Variants in DSP observed in about 807,000 individuals in gnomAD.
DSP encodes the protein 250/210 kDa paraneoplastic pemphigus antigen.
DSP carries 114 observed loss-of-function variants against 290.6 expected under a neutral mutation model. The observed-to-expected ratio is 0.39, with a 90% CI of 0.34 to 0.46. The LOEUF is 0.46. DSP is among the 20% of genes least tolerant of loss of function. The pLI, the probability that DSP is intolerant of heterozygous loss-of-function variation, is 0.99. For missense variants in DSP, 3,230 were observed against 3,495.8 expected (o/e 0.92, Z 1.92); for synonymous variants, 1,311 against 1,316.4 (o/e 1.00, Z 0.09).
intron 1 of DSP, among the ~76,000 whole-genome samples, chr6:7,553,318 T>C (rs889231487): frequency 6.6e-6 from 1 of 152,236 alleles, no homozygotes; most frequent in African/African-American, 2.4e-5. Context: ...TTAAATCATT[T>C]AGGAAACTCT....
intron 1 of DSP, among the ~76,000 whole-genome samples, chr6:7,545,872 C>T (rs1043088291): frequency 1.3e-5 from 2 of 152,198 alleles, no homozygotes; most frequent in African/African-American, 4.8e-5. Context: ...TCTGCGAAGC[C>T]TGTGGAGTGA....
chr6:7,542,328 G>A (rs1758018943), intron 1 of DSP, among the ~76,000 whole-genome samples: 1 of 152,180 alleles, frequency 6.6e-6, no homozygotes, highest in Admixed American at 6.5e-5. Context: ...GCGAGCCCGG[G>A]CGGGTGGTCA....
chr6:7,564,549 A>C (rs1390048702), intron 6 of DSP, among the ~76,000 whole-genome samples: 1 of 152,234 alleles, frequency 6.6e-6, no homozygotes, highest in Non-Finnish European at 1.5e-5. Context: ...TATAGTCCAA[A>C]ACTAATTATT....
Position 7,571,974 on chromosome 6 carries a change from T to A in DSP, c.2036T>A (p.Ile679Lys), listed in dbSNP as rs1561690811. ...GAGCTGCAGAAGATTCGCAGGCAGA[T>A]AGAGCACTGCGAGGGCAGGATGACT... ...LMELQKIRRQ[I>K]EHCEGRMTLK... The change falls in exon 15 of 24, where the codon ATA becomes AAA. Residue 679 changes from isoleucine (I) to lysine (K), a missense_variant. Around this residue, in one of 5 missense-constraint regions of DSP, gnomAD observed 1,714 missense variants for 1,844.5 expected, o/e 0.93. Transcript: ENST00000379802. 1 of 1,614,180 alleles carries A rather than the reference T, an allele frequency of 6.2e-7. No homozygotes were observed. Among genetic ancestry groups the A allele is most frequent in the Non-Finnish European group, 8.5e-7 (1 of 1,180,026 alleles).
Position 7,542,003 on chromosome 6 carries a change from G to A in DSP, c.88G>A (p.Val30Met), listed in dbSNP as rs121912998. 1.3e-3 allele frequency: 2,131 copies of A among 1,595,514 alleles called. 5 individuals are homozygous for A. The highest frequency in any genetic ancestry group is 8.1e-3 in the Middle Eastern group (49 of 6,040). Residue 30 changes from valine (V) to methionine (M), a missense_variant, in exon 1 of 24, where the codon GTG becomes ATG. Physicochemically the swap from Val to Met is conservative, Grantham distance 21. Around this residue, in one of 5 missense-constraint regions of DSP, gnomAD observed 646 missense variants for 684.3 expected, o/e 0.94. Coordinates refer to ENST00000379802, the MANE Select transcript of DSP (RefSeq NM_004415.4). Reference sequence around the variant, plus strand: ...GTCTGGCCCGGACCTGCGCTACGAGGTGACCAGCGGCGGCGGGGGCACCAG... The same window carrying A: ...GTCTGGCCCGGACCTGCGCTACGAGATGACCAGCGGCGGCGGGGGCACCAG... ...AESGPDLRYEVTSGGGGTSRM... is the reference protein window; with the variant it reads ...AESGPDLRYEMTSGGGGTSRM...
chr6:7,582,227 ATATTT>A lies in DSP; in HGVS notation c.5380-411_5380-407del, dbSNP rs147532530. On this transcript the variant is annotated intron_variant, in intron 23 of 23. Coordinates refer to ENST00000379802, the MANE Select transcript of DSP (RefSeq NM_004415.4). The surrounding 1 kb of genome is among the most constrained non-coding windows in gnomAD (Gnocchi z 4.2). ...CATAATATATATTTATCTATAATAT[ATATTT>A]TATATAATATATATCTTCATATATT... Among the ~76,000 whole-genome samples the A allele has an allele frequency of 0.26, 37,843 of 146,746 alleles. 5,121 individuals carry two copies. Among genetic ancestry groups the A allele is most frequent in the African/African-American group, 0.35 (14,004 of 40,286 alleles).
rs1216016244 is a variant in DSP at position 7,579,119 on chromosome 6, A to C, written c.3085-156A>C. ...TGCAAGAATTATGATGAGAATCCAG[A>C]TTTCTTGAATATTTGCCTAGTCACT... is the stretch of plus-strand genomic sequence containing the variant. On this transcript the variant is annotated intron_variant, in intron 22 of 23. Coordinates refer to ENST00000379802, the MANE Select transcript of DSP (RefSeq NM_004415.4). This position sits in a 1 kb window ranked among gnomAD's most constrained non-coding sequence, Gnocchi z 4.1. Among the ~76,000 whole-genome samples, 8 of 152,206 alleles carry C rather than the reference A, an allele frequency of 5.3e-5. No individual in the cohort carries two copies. The highest frequency in any genetic ancestry group is 1.7e-4 in the African/African-American group (7 of 41,452).
intron 1 of DSP, among the ~76,000 whole-genome samples, chr6:7,554,648 A>G (rs909046969): frequency 1.5e-4 from 23 of 152,084 alleles, no homozygotes; most frequent in African/African-American, 4.8e-4. Context: ...CAGAAAATAT[A>G]TATATATATT....
At position 7,584,234 on chromosome 6, in the gene DSP, G is replaced by A. The variant is rs2113701409; in HGVS notation, c.6972G>A (p.Glu2324=). ...ACAAGAGAGGTCTGGTGGGCATTGA[G>A]TTCAAAGAGAAGCTCCTGTCTGCAG... The part of the protein sequence containing the change: ...EAYKRGLVGI[E]FKEKLLSAER... The change falls in exon 24 of 24, where the codon GAG becomes GAA. Residue 2324 remains glutamate, a synonymous_variant. Coordinates refer to ENST00000379802, the MANE Select transcript of DSP (RefSeq NM_004415.4). This position sits in a 1 kb window ranked among gnomAD's most constrained non-coding sequence, Gnocchi z 6.4. 6.2e-7 allele frequency: 1 copy of A among 1,614,192 alleles called. No homozygotes were observed. Among genetic ancestry groups the A allele is most frequent in the Non-Finnish European group, 8.5e-7 (1 of 1,180,032 alleles).
Position 7,580,690 on chromosome 6 carries a change from G to A in DSP, c.4500G>A (p.Leu1500=), listed in dbSNP as rs372881903. The A allele has an allele frequency of 6.2e-7, 1 of 1,614,038 alleles. No homozygotes were observed. The highest frequency in any genetic ancestry group is 8.5e-7 in the Non-Finnish European group (1 of 1,180,038). ...IDKETNDRKC[L]EDENARLQRV... ...AAGAAACAAATGACCGGAAATGCCT[G>A]GAAGATGAAAACGCGAGATTACAAA... The change falls in exon 23 of 24, where the codon CTG becomes CTA. Residue 1500 remains leucine (L), a synonymous_variant. Coordinates refer to ENST00000379802, the MANE Select transcript of DSP (RefSeq NM_004415.4). The surrounding 1 kb of genome is among the most constrained non-coding windows in gnomAD (Gnocchi z 4.2).
rs1213786009 is a variant in DSP at position 7,565,804 on chromosome 6, C to T, written c.939+284C>T. 2.3e-6 allele frequency: 1 copy of T among 432,474 alleles called. No individual in the cohort carries two copies. Among genetic ancestry groups the T allele is most frequent in the Non-Finnish European group, 4.3e-6 (1 of 232,202 alleles). 26.8% of individuals were successfully genotyped at this position (432,474 alleles called of 1,614,324 possible). A position where few individuals can be genotyped will look rare whatever the true frequency, so the allele number is the denominator to read the frequency against. On this transcript the variant is annotated intron_variant, in intron 7 of 23. Transcript: ENST00000379802. This position sits in a 1 kb window ranked among gnomAD's most constrained non-coding sequence, Gnocchi z 4.2. ...CATGGATACATCGAGGGCAACAACA[C>T]ACACTGGGGCCTTTCGGAGGGCAGA... is the stretch of plus-strand genomic sequence containing the variant.
Position 7,579,854 on chromosome 6 carries a change from A to G in DSP, c.3664A>G (p.Lys1222Glu), listed in dbSNP as rs1423633528. Residue 1222 changes from lysine to glutamate, a missense_variant, in exon 23 of 24, where the codon AAG becomes GAG. Around this residue, in one of 5 missense-constraint regions of DSP, gnomAD observed 1,714 missense variants for 1,844.5 expected, o/e 0.93. Transcript: ENST00000379802. This position sits in a 1 kb window ranked among gnomAD's most constrained non-coding sequence, Gnocchi z 4.1. ...GATTAACATTACGAAGACCACCATCAAGGAGATATCCATGCAAAAAGAGGA... is the reference window on the plus strand; with the variant it reads ...GATTAACATTACGAAGACCACCATCGAGGAGATATCCATGCAAAAAGAGGA... Reference protein sequence around the residue: ...TEINITKTTIKEISMQKEDDS... With the variant: ...TEINITKTTIEEISMQKEDDS... 2 of 1,614,202 alleles carry G rather than the reference A, an allele frequency of 1.2e-6. No individual in the cohort carries two copies. The highest frequency in any genetic ancestry group is 4.5e-5 in the East Asian group (2 of 44,872).
chr6:7,559,432 G>T (rs1315834327), intron 4 of DSP, 32 bp downstream of exon 4: 1 of 1,611,856 alleles, frequency 6.2e-7, no homozygotes. Flanking sequence ...CCAAACCTGT[G>T]CAGGCCAGAC....
chr6:7,561,934 G>C (rs1758705401), intron 4 of DSP, among the ~76,000 whole-genome samples: 1 of 152,216 alleles, frequency 6.6e-6, no homozygotes, highest in African/African-American at 2.4e-5. Flanking sequence ...GGAACAGTGT[G>C]TGTGATTCTT....
chr6:7,548,801 A>G (rs1485600410), intron 1 of DSP, among the ~76,000 whole-genome samples: 1 of 152,194 alleles, frequency 6.6e-6, no homozygotes, highest in Non-Finnish European at 1.5e-5. Flanking sequence ...TGAGCTTTTG[A>G]AATCAGGGTA....
At chr6:7,552,564 GAAA>G (rs377022218) in intron 1 of DSP, among the ~76,000 whole-genome samples, 1 of 101,600 alleles carries the variant, frequency 9.8e-6, no homozygotes. Flanking sequence ...CTCCATCTCG[GAAA>G]AAAAAAAAAA....
chr6:7,542,234 C>A lies in DSP; in HGVS notation c.170+149C>A, dbSNP rs920694927. ...AAGAACTTCCCGGCCGCGCTGGGAGCAGGACCGGGTGTCCTGACGCGTGCG... is the reference window on the plus strand; with the variant it reads ...AAGAACTTCCCGGCCGCGCTGGGAGAAGGACCGGGTGTCCTGACGCGTGCG... On this transcript the variant is annotated intron_variant, in intron 1 of 23. Coordinates refer to ENST00000379802, the MANE Select transcript of DSP (RefSeq NM_004415.4). The A allele has an allele frequency of 4.5e-6, 5 of 1,099,910 alleles. No individual in the cohort carries two copies. The African/African-American group carries it at 6.2e-5, about 14-fold the overall frequency. The allele number at this position is 1,099,910 out of a possible 1,614,324, so 68.1% of individuals were successfully genotyped here. A position where few individuals can be genotyped will look rare whatever the true frequency, so the allele number is the denominator to read the frequency against.
At position 7,576,432 on chromosome 6, in the gene DSP, C is replaced by T. The variant is rs767744438; in HGVS notation, c.2769C>T (p.Val923=). ...ESMKFGDSNT[V]MRFLNEQKNL... ...TGAAATTTGGAGATTCCAACACAGT[C>T]ATGCGGTTTTTGAATGAGCAGAAGG... Residue 923 remains valine (V), a synonymous_variant, in exon 19 of 24, where the codon GTC becomes GTT. Transcript: ENST00000379802. 1.2e-5 allele frequency: 19 copies of T among 1,614,100 alleles called. No individual in the cohort carries two copies. Among genetic ancestry groups the T allele is most frequent in the Non-Finnish European group, 1.6e-5 (19 of 1,180,004 alleles).
Position 7,583,698 on chromosome 6 carries a change from G to A in DSP, c.6436G>A (p.Asp2146Asn), listed in dbSNP as rs1331531788. The part of the protein sequence containing the change: ...DPVNSVFLPK[D>N]VALARGLIDR... ...TGTGAACAGTGTCTTTTTGCCAAAAGATGTCGCCTTGGCCCGGGGGCTGAT... is the reference window on the plus strand; with the variant it reads ...TGTGAACAGTGTCTTTTTGCCAAAAAATGTCGCCTTGGCCCGGGGGCTGAT... Residue 2146 changes from aspartate to asparagine, a missense_variant, in exon 24 of 24, where the codon GAT becomes AAT. Around this residue, in one of 5 missense-constraint regions of DSP, gnomAD observed 1,714 missense variants for 1,844.5 expected, o/e 0.93. Transcript: ENST00000379802. This position sits in a 1 kb window ranked among gnomAD's most constrained non-coding sequence, Gnocchi z 4.0. The A allele has an allele frequency of 6.2e-7, 1 of 1,614,138 alleles. No individual in the cohort carries two copies. Among genetic ancestry groups the A allele is most frequent in the East Asian group, 2.2e-5 (1 of 44,880 alleles).
Sources: allele counts gnomAD v4.1 joint callset (sites outside exome capture counted in the v4.1 genomes callset), GRCh38; gene constraint gnomAD v4.1.1; regional missense constraint gnomAD v4.1.1; non-coding constraint Gnocchi (gnomAD v3.1); transcripts MANE v1.5; gene names NCBI Gene and HGNC (gene_info 2026-07-23, HGNC 2026-07-21).